ABCA12: variants seen among roughly 807,000 people sequenced by gnomAD.
ABCA12 encodes the protein glucosylceramide transporter ABCA12.
In ABCA12, 156 loss-of-function variants were observed where a neutral mutation model predicts 293.5. The observed-to-expected ratio is 0.53, with a 90% confidence interval of 0.47 to 0.61. The LOEUF (loss-of-function observed/expected upper bound fraction) is 0.61. Ranked by LOEUF, ABCA12 falls within the 20% of genes least tolerant of loss-of-function variation. The probability of loss-of-function intolerance (pLI) is 0.00; values close to 1 mark genes in which losing one functional copy is unlikely to be tolerated. For synonymous variants in ABCA12, 1,063 were observed against 1,108.0 expected (o/e 0.96, Z 0.81); for missense variants, 2,797 against 3,090.2 (o/e 0.91, Z 2.25).
In ABCA12 at chr2:215,015,541, G is replaced by A. The variant is rs1215905885; in HGVS notation, c.1905C>T (p.Leu635=). 1.2e-6 allele frequency: 2 copies of A among 1,614,138 alleles called. No homozygotes were observed. The highest frequency in any genetic ancestry group is 1.7e-6 in the Non-Finnish European group (2 of 1,180,002). ...AGTAGTGCAGAAGGGTGAGTCCGAT[G>A]AGGTAAGACTGCCGGGATCTCTCTG... The part of the protein sequence containing the change: ...SLSERSRQSY[L]IGLTLLHYLN... Residue 635 remains leucine (L), a synonymous_variant, in exon 15 of 53, where the codon CTC becomes CTT. Coordinates refer to ENST00000272895, the MANE Select transcript of ABCA12 (RefSeq NM_173076.3).
chr2:214,948,809 A>G (rs1168128495), intron 46 of ABCA12, 72 bp from the exon 47 acceptor site: 4 of 1,593,368 alleles, frequency 2.5e-6, no homozygotes, highest in Non-Finnish European at 3.4e-6. Flanking sequence ...AATGCTGGGA[A>G]GGTAGCTCTA....
chr2:215,028,808 AG>A (rs1483445007), intron 9 of ABCA12, among the ~76,000 whole-genome samples: 3 of 152,242 alleles, frequency 2.0e-5, no homozygotes, highest in African/African-American at 7.2e-5. Context: ...CTATGACATC[AG>A]TGAGTCAAGT....
intron 1 of ABCA12, among the ~76,000 whole-genome samples, chr2:215,133,048 T>A (rs1048332837): frequency 2.0e-5 from 3 of 151,556 alleles, no homozygotes; most frequent in African/African-American, 7.2e-5. Flanking sequence ...TAAAAATAGA[T>A]CCTCATCTTT....
chr2:215,031,822 G>A lies in ABCA12; in HGVS notation c.1060C>T (p.Gln354Ter), dbSNP rs769817025. Residue 354 changes from glutamine (Q) to a stop codon, truncating the protein, a stop_gained and splice_region_variant, in exon 9 of 53, where the codon CAG becomes TAG. Coordinates refer to ENST00000272895, the MANE Select transcript of ABCA12 (RefSeq NM_173076.3). LOFTEE classifies it high-confidence loss of function. ...QTLSPSSLAA[Q>*]LLILENFEDA... The stretch of plus-strand genomic sequence containing the variant: ...ATTTAGAAATAAACAAAGACTTACT[G>A]TGCAGCCAGACTGCTTGGAGATAAG... The A allele has an allele frequency of 6.8e-6, 11 of 1,613,754 alleles. No homozygotes were observed.
intron 2 of ABCA12, among the ~76,000 whole-genome samples, chr2:215,078,186 A>G (rs1701869297): frequency 6.6e-6 from 1 of 152,222 alleles, no homozygotes; most frequent in Non-Finnish European, 1.5e-5. Flanking sequence ...AATTAATAGT[A>G]AATGATACCG....
At chr2:214,963,999 TG>T (rs1396257923) in intron 39 of ABCA12, among the ~76,000 whole-genome samples, 14 of 148,590 alleles carry the variant, frequency 9.4e-5, no homozygotes, top group Non-Finnish European at 1.5e-4. Context: ...AATAAAACAC[TG>T]GCAAACTCCA....
At chr2:215,123,427 T>A (rs1702850171) in intron 1 of ABCA12, among the ~76,000 whole-genome samples, 1 of 152,184 alleles carries the variant, frequency 6.6e-6, no homozygotes, top group Non-Finnish European at 1.5e-5. Context: ...TGCCTCAGCC[T>A]CCCACAGTGC....
At chr2:215,130,030 A>G (rs1005523839) in intron 1 of ABCA12, among the ~76,000 whole-genome samples, 1 of 152,072 alleles carries the variant, frequency 6.6e-6, no homozygotes, top group South Asian at 2.1e-4. Flanking sequence ...AAGATCAGTC[A>G]GATGTAGGTA....
At chr2:214,958,142 A>G (rs1310286869) in intron 41 of ABCA12, 135 bp downstream of exon 41, 1 of 1,213,574 alleles carries the variant, frequency 8.2e-7, no homozygotes, top group African/African-American at 1.5e-5. Context: ...GCCTGACTCA[A>G]GTCATTTTCT....
At position 214,937,572 on chromosome 2, in the gene ABCA12, T is replaced by C; in HGVS notation, c.7480A>G (p.Lys2494Glu). Residue 2494 changes from lysine (K) to glutamate (E), a missense_variant, in exon 51 of 53, where the codon AAA becomes GAA. Around this residue, in one of 3 missense-constraint regions of ABCA12, gnomAD observed 2,130 missense variants for 2,427.0 expected, o/e 0.88. Coordinates refer to ENST00000272895, the MANE Select transcript of ABCA12 (RefSeq NM_173076.3). ...TTTGTGAGGGTCTCCATGGTCACTT[T>C]GTTATTCTTCAAGTGAACTTTGACA... Reference protein sequence around the residue: ...FTVKVHLKNNKVTMETLTKFM... With the variant: ...FTVKVHLKNNEVTMETLTKFM... The C allele has an allele frequency of 6.2e-7, 1 of 1,613,978 alleles. No individual in the cohort carries two copies.
chr2:214,992,527 T>C (rs1699939978), intron 23 of ABCA12, among the ~76,000 whole-genome samples: 2 of 144,768 alleles, frequency 1.4e-5, no homozygotes, highest in Admixed American at 6.8e-5. Flanking sequence ...CCCCCCTTTT[T>C]TTTTTTTTTT....
chr2:214,973,958 T>G lies in ABCA12; in HGVS notation c.5553A>C (p.Glu1851Asp), dbSNP rs1699449133. The G allele has an allele frequency of 1.9e-6, 3 of 1,613,870 alleles. No homozygotes were observed. Residue 1851 changes from glutamate (E) to aspartate (D), a missense_variant, in exon 36 of 53, where the codon GAA becomes GAC. This residue lies in a region of ABCA12 where 2,130 missense variants were observed against 2,427.0 expected (regional missense o/e 0.88). Coordinates refer to ENST00000272895, the MANE Select transcript of ABCA12 (RefSeq NM_173076.3). ...CTGAATTCCATCTTACCTGGACATT[T>G]TCTGAGCAGGAGCAAACACCAAAAT... ...ITNFGVCSCSENVQECPKFNY... is the reference protein window; with the variant it reads ...ITNFGVCSCSDNVQECPKFNY...
intron 39 of ABCA12, among the ~76,000 whole-genome samples, chr2:214,964,506 C>G (rs926988233): frequency 1.3e-5 from 2 of 152,142 alleles, no homozygotes; most frequent in African/African-American, 4.8e-5. Context: ...GCTTCTTAAG[C>G]TAGGATAAGC....
chr2:214,992,553 A>G (rs1280415874), intron 23 of ABCA12, among the ~76,000 whole-genome samples: 4 of 146,138 alleles, frequency 2.7e-5, no homozygotes, highest in Non-Finnish European at 6.0e-5. Context: ...AGGAAAAAAA[A>G]AAGAACAGAG....
intron 1 of ABCA12, among the ~76,000 whole-genome samples, chr2:215,118,064 T>G (rs1028689551): frequency 1.3e-5 from 2 of 152,236 alleles, no homozygotes. Context: ...CATTTGAGTC[T>G]GTGCCTTTAT....
intron 4 of ABCA12, among the ~76,000 whole-genome samples, chr2:215,054,225 A>T (rs940321918): frequency 3.3e-5 from 5 of 152,058 alleles, no homozygotes; most frequent in African/African-American, 9.7e-5. Context: ...AACCTCTGAG[A>T]TTCTTTCCAA....
At chr2:214,945,880 A>C (rs1698566191) in intron 48 of ABCA12, among the ~76,000 whole-genome samples, 1 of 152,176 alleles carries the variant, frequency 6.6e-6, no homozygotes, top group Non-Finnish European at 1.5e-5. Flanking sequence ...AATATAGTTG[A>C]GCTCATAGAA....
In ABCA12 at chr2:215,129,847, T is replaced by C. The variant is rs145219924; in HGVS notation, c.69+8293A>G. On this transcript the variant is annotated intron_variant, in intron 1 of 52. Coordinates refer to ENST00000272895, the MANE Select transcript of ABCA12 (RefSeq NM_173076.3). Reference sequence around the variant, plus strand: ...AGTTTTTCCAGGCTTTCTTTTAGGATTTTTATAGTTTAAGTCTTATGTTTA... The same window carrying C: ...AGTTTTTCCAGGCTTTCTTTTAGGACTTTTATAGTTTAAGTCTTATGTTTA... 6.5e-3 allele frequency among the ~76,000 whole-genome samples: 992 copies of C among 152,298 alleles called. 9 individuals are homozygous for C. Among genetic ancestry groups the C allele is most frequent in the African/African-American group, 0.021 (884 of 41,570 alleles).
intron 8 of ABCA12, among the ~76,000 whole-genome samples, chr2:215,033,833 T>C (rs1700932387): frequency 6.6e-6 from 1 of 151,916 alleles, no homozygotes; most frequent in Admixed American, 6.5e-5. Flanking sequence ...CCCAGGTACT[T>C]GGGAGGCTGA....
Sources: allele counts gnomAD v4.1 joint callset (sites outside exome capture counted in the v4.1 genomes callset), GRCh38; gene constraint gnomAD v4.1.1; regional missense constraint gnomAD v4.1.1; transcripts MANE v1.5; gene names NCBI Gene and HGNC (gene_info 2026-07-23, HGNC 2026-07-21).